The following HTR1F variants were observed in gnomAD, a reference collection of about 807,000 sequenced individuals.
The protein encoded by HTR1F is 5-hydroxytryptamine (serotonin) receptor 1F, G protein-coupled.
In HTR1F, 17 loss-of-function variants were observed where a neutral mutation model predicts 24.0. That is an observed-to-expected ratio of 0.71 (90% CI 0.48 to 1.06). HTR1F has a LOEUF of 1.06. HTR1F is among the 50% of genes least tolerant of loss of function. The probability of loss-of-function intolerance (pLI) is 0.00; values close to 1 mark genes in which losing one functional copy is unlikely to be tolerated. For missense variants in HTR1F, 391 were observed against 427.8 expected, an observed-to-expected ratio of 0.91 and a Z score of 0.76; for synonymous variants, 186 against 156.8, an observed-to-expected ratio of 1.19 and a Z score of -1.39.
intron 2 of HTR1F, among the ~76,000 whole-genome samples, chr3:87,923,310 T>C (rs1344900473): frequency 1.3e-5 from 2 of 152,020 alleles, no homozygotes; most frequent in Non-Finnish European, 2.9e-5. Flanking sequence ...ATGTTATTGG[T>C]ATTTTAAGAG....
At chr3:87,907,212 T>C (rs1703686654) in intron 2 of HTR1F, among the ~76,000 whole-genome samples, 1 of 150,166 alleles carries the variant, frequency 6.7e-6, no homozygotes, top group African/African-American at 2.5e-5. Flanking sequence ...TTTTTTTGAT[T>C]ATTGGTCATT....
chr3:87,860,207 A>G (rs186666598), intron 2 of HTR1F, among the ~76,000 whole-genome samples: 17 of 152,336 alleles, frequency 1.1e-4, no homozygotes, highest in Admixed American at 9.8e-4. Context: ...TGGAAAATTG[A>G]AAGTTTTAAA....
intron 2 of HTR1F, among the ~76,000 whole-genome samples, chr3:87,870,120 A>C (rs1468733291): frequency 6.6e-6 from 1 of 152,144 alleles, no homozygotes; most frequent in African/African-American, 2.4e-5. Flanking sequence ...AGCACCATCT[A>C]TGTAACAGGT....
chr3:87,828,548 C>T (rs1704510130), intron 2 of HTR1F, among the ~76,000 whole-genome samples: 3 of 152,166 alleles, frequency 2.0e-5, no homozygotes, highest in Non-Finnish European at 4.4e-5. Flanking sequence ...GATTTTATCA[C>T]TTTTTATTTG....
chr3:87,853,944 T>C (rs1372010944), intron 2 of HTR1F, among the ~76,000 whole-genome samples: 1 of 152,104 alleles, frequency 6.6e-6, no homozygotes. Context: ...TTTAAGTTAC[T>C]TTTAGATGCT....
chr3:87,928,904 G>C (rs192349311), intron 2 of HTR1F, among the ~76,000 whole-genome samples: 2 of 152,244 alleles, frequency 1.3e-5, no homozygotes, highest in Admixed American at 6.5e-5. Context: ...CAGTGAAAAA[G>C]AGCTGTCTGA....
intron 2 of HTR1F, among the ~76,000 whole-genome samples, chr3:87,962,440 C>T (rs912358152): frequency 2.0e-5 from 3 of 151,720 alleles, no homozygotes; most frequent in Non-Finnish European, 2.9e-5. Context: ...AAAGATAAGC[C>T]GAGAGAAATT....
At chr3:87,842,663 C>G (rs1460511730) in intron 2 of HTR1F, among the ~76,000 whole-genome samples, 1 of 151,976 alleles carries the variant, frequency 6.6e-6, no homozygotes, top group Middle Eastern at 3.4e-3. Context: ...TATATGATGG[C>G]TTTACAATTT....
chr3:87,852,478 T>C (rs567604915), intron 2 of HTR1F, among the ~76,000 whole-genome samples: 61 of 151,842 alleles, frequency 4.0e-4, no homozygotes, highest in Non-Finnish European at 6.8e-4. Context: ...CCTGAAATAA[T>C]ACCCAGATAT....
chr3:87,914,338 A>G (rs1355299842), intron 2 of HTR1F, among the ~76,000 whole-genome samples: 5 of 152,160 alleles, frequency 3.3e-5, no homozygotes, highest in Admixed American at 3.3e-4. Context: ...CTGATCGAGA[A>G]GCCTCCTGGC....
At position 87,991,285 on chromosome 3, in the gene HTR1F, T is replaced by C. The variant is rs1330609531; in HGVS notation, c.536T>C (p.Ile179Thr). ...GAATGCATCATCAAGCACGACCACA[T>C]TGTTTCCACCATTTACTCAACATTT... Reference protein sequence around the residue: ...DDECIIKHDHIVSTIYSTFGA... With the variant: ...DDECIIKHDHTVSTIYSTFGA... Residue 179 changes from isoleucine to threonine, a missense_variant, in exon 3 of 3, where the codon ATT (isoleucine) becomes ACT (threonine). Physicochemically the swap from Ile to Thr is moderately conservative, Grantham distance 89. Coordinates refer to ENST00000319595, the MANE Select transcript of HTR1F (RefSeq NM_001322209.2). The C allele has an allele frequency of 1.2e-5, 19 of 1,613,930 alleles. No individual in the cohort carries two copies. Among genetic ancestry groups the C allele is most frequent in the Admixed American group, 1.7e-5 (1 of 59,980 alleles).
At chr3:87,861,542 A>G (rs1434697978) in intron 2 of HTR1F, among the ~76,000 whole-genome samples, 2 of 152,162 alleles carry the variant, frequency 1.3e-5, no homozygotes, top group Admixed American at 6.6e-5. Context: ...GACTTTTACC[A>G]GAATAGACAC....
At chr3:87,874,723 C>G (rs1705632743) in intron 2 of HTR1F, among the ~76,000 whole-genome samples, 1 of 151,722 alleles carries the variant, frequency 6.6e-6, no homozygotes, top group African/African-American at 2.4e-5. Context: ...AGCTAGAAAT[C>G]TTACAGTTCC....
intron 2 of HTR1F, among the ~76,000 whole-genome samples, chr3:87,967,850 C>A (rs1223749791): frequency 6.6e-6 from 1 of 152,142 alleles, no homozygotes; most frequent in African/African-American, 2.4e-5. Flanking sequence ...ACTAATACAG[C>A]AAATTTGTAC....
In HTR1F at chr3:87,850,286, T is replaced by G. The variant is rs372673316; in HGVS notation, c.-43+28162T>G. On this transcript the variant is annotated intron_variant, in intron 2 of 2. Coordinates refer to ENST00000319595, the MANE Select transcript of HTR1F (RefSeq NM_001322209.2). ...TGGAATACTATGCAGCCATAAAAAA[T>G]GATGAGTTCATGTCCTTTGTAGGGA... Among the ~76,000 whole-genome samples the G allele has an allele frequency of 3.9e-3, 599 of 151,848 alleles. 15 individuals are homozygous for G. The highest frequency in any genetic ancestry group is 0.014 in the African/African-American group (576 of 41,228).
intron 2 of HTR1F, among the ~76,000 whole-genome samples, chr3:87,847,414 C>T (rs1210922244): frequency 1.3e-5 from 2 of 151,630 alleles, no homozygotes; most frequent in African/African-American, 2.4e-5. Context: ...TATTGATAGA[C>T]AATATTTTAC....
intron 2 of HTR1F, among the ~76,000 whole-genome samples, chr3:87,867,505 C>T (rs1456387770): frequency 2.0e-5 from 3 of 150,654 alleles, no homozygotes; most frequent in South Asian, 2.1e-4. Flanking sequence ...AAAAATTGAA[C>T]ATTTATTCCA....
chr3:87,825,834 G>T (rs1049618033), intron 2 of HTR1F, among the ~76,000 whole-genome samples: 40 of 152,236 alleles, frequency 2.6e-4, no homozygotes, highest in African/African-American at 9.1e-4. Flanking sequence ...AGATTCTACA[G>T]AAAGAGTGTA....
Position 87,820,262 on chromosome 3 carries a change from C to T in HTR1F, c.-159-1746C>T, listed in dbSNP as rs866998627. ...CAGGATCTCGGCTCACTGCAAGCTC[C>T]GCCTCCCGGGTTCACGCCATTCTCC... On this transcript the variant is annotated intron_variant, in intron 1 of 2. Coordinates refer to ENST00000319595, the MANE Select transcript of HTR1F (RefSeq NM_001322209.2). 1.5e-4 allele frequency among the ~76,000 whole-genome samples: 22 copies of T among 149,306 alleles called. 1 individual carries two copies. The highest frequency in any genetic ancestry group is 5.4e-4 in the African/African-American group (22 of 40,464).
Sources: allele counts gnomAD v4.1 joint callset (sites outside exome capture counted in the v4.1 genomes callset), GRCh38; gene constraint gnomAD v4.1.1; transcripts MANE v1.5; gene names NCBI Gene and HGNC (gene_info 2026-07-23, HGNC 2026-07-21).